Variants in ULK2 observed in about 807,000 individuals in gnomAD.
ULK2 encodes the protein serine/threonine-protein kinase ULK2.
ULK2 carries 76 observed loss-of-function variants against 127.5 expected under a neutral mutation model. That is an observed-to-expected ratio of 0.60 (90% CI 0.50 to 0.72). The LOEUF (loss-of-function observed/expected upper bound fraction) is 0.72. Among genes scored for constraint, ULK2 ranks in the 30% least tolerant of loss-of-function variants. The pLI is 0.00. For synonymous variants in ULK2, 452 were observed against 461.9 expected (o/e 0.98, Z 0.28); for missense variants, 1,144 against 1,295.9 (o/e 0.88, Z 1.80).
At chr17:19,833,074 GATCATGCCATTGCA>G (rs2041499920) in intron 10 of ULK2, among the ~76,000 whole-genome samples, 1 of 143,176 alleles carries the variant, frequency 7.0e-6, no homozygotes, top group Non-Finnish European at 1.5e-5. Context: ...AGTGAGCTGA[GATCATGCCATTGCA>G]CTCCAGCCTG....
At chr17:19,801,712 G>C in intron 16 of ULK2, 65 bp downstream of exon 16, 1 of 1,596,702 alleles carries the variant, frequency 6.3e-7, no homozygotes, top group Non-Finnish European at 8.5e-7. Context: ...TAAAGAAAAT[G>C]TGTCATGTCA....
At chr17:19,780,732 G>T in intron 24 of ULK2, 103 bp from the exon 25 acceptor site, 1 of 1,264,242 alleles carries the variant, frequency 7.9e-7, no homozygotes, top group Non-Finnish European at 1.1e-6. Flanking sequence ...GTGTCACTAT[G>T]TGATCATTCA....
intron 10 of ULK2, among the ~76,000 whole-genome samples, chr17:19,827,854 G>A (rs959644314): frequency 1.3e-5 from 2 of 151,734 alleles, no homozygotes; most frequent in Non-Finnish European, 2.9e-5. Context: ...AGGTTGCGGT[G>A]AGCCGAGAAC....
At chr17:19,845,048 C>G (rs888276224) in intron 7 of ULK2, among the ~76,000 whole-genome samples, 2 of 152,100 alleles carry the variant, frequency 1.3e-5, no homozygotes, top group African/African-American at 4.8e-5. Context: ...TTATTTTCAA[C>G]TTAATAGATT....
At chr17:19,849,326 G>A in intron 5 of ULK2, 43 bp downstream of exon 5, 1 of 1,578,684 alleles carries the variant, frequency 6.3e-7, no homozygotes, top group Non-Finnish European at 8.7e-7. Flanking sequence ...TAAACAGGCT[G>A]CAGCACTGTC....
At chr17:19,779,896 G>C (rs750133033) in intron 25 of ULK2, among the ~76,000 whole-genome samples, 2 of 152,090 alleles carry the variant, frequency 1.3e-5, no homozygotes, top group African/African-American at 4.8e-5. Context: ...TAGATCGGCT[G>C]GGCACGGTGG....
At chr17:19,783,651 A>G (rs764297620) in intron 22 of ULK2, 46 bp downstream of exon 22, 1 of 1,372,798 alleles carries the variant, frequency 7.3e-7, no homozygotes, top group South Asian at 2.1e-5. Flanking sequence ...GAATGTTCTC[A>G]TATCAAATCA....
At chr17:19,853,823 G>T (rs1314681014) in intron 3 of ULK2, among the ~76,000 whole-genome samples, 1 of 151,518 alleles carries the variant, frequency 6.6e-6, no homozygotes. Context: ...CCCCCGCCTC[G>T]GCCTCCCAAA....
intron 13 of ULK2, among the ~76,000 whole-genome samples, chr17:19,812,573 G>A (rs1376131224): frequency 1.3e-5 from 2 of 152,226 alleles, no homozygotes; most frequent in African/African-American, 4.8e-5. Context: ...TCCAGCATCA[G>A]CTGTTTACTC....
chr17:19,804,581 A>C, intron 15 of ULK2, 112 bp downstream of exon 15: 1 of 1,179,750 alleles, frequency 8.5e-7, no homozygotes, highest in Non-Finnish European at 1.1e-6. Flanking sequence ...CGTTCCCATT[A>C]TACACACATG....
At position 19,799,554 on chromosome 17, in the gene ULK2, A is replaced by C. The variant is rs574989313; in HGVS notation, c.1463T>G (p.Phe488Cys). 6.4e-7 allele frequency: 1 copy of C among 1,571,452 alleles called. No homozygotes were observed. Among genetic ancestry groups the C allele is most frequent in the African/African-American group, 1.4e-5 (1 of 72,360 alleles). ...AGGATGCCCACAGCAGCACTGACTG[A>C]ATTGCTCAGGAATGGTACCAACTAC... is the stretch of plus-strand genomic sequence containing the variant. ...SPLVGTIPEQ[F>C]SQCCCGHPQG... The change falls in exon 17 of 27, where the codon TTC (phenylalanine) becomes TGC (cysteine). Residue 488 changes from phenylalanine (F) to cysteine (C), a missense_variant. Phe to Cys is a radical substitution (Grantham distance 205). Around this residue, in one of 2 missense-constraint regions of ULK2, gnomAD observed 913 missense variants for 970.5 expected, o/e 0.94. Coordinates refer to ENST00000395544, the MANE Select transcript of ULK2 (RefSeq NM_014683.4).
intron 10 of ULK2, among the ~76,000 whole-genome samples, chr17:19,828,622 T>C (rs1268348243): frequency 2.6e-5 from 4 of 152,080 alleles, no homozygotes; most frequent in African/African-American, 4.8e-5. Flanking sequence ...AACACATTAC[T>C]ATAAAAAACA....
intron 9 of ULK2, chr17:19,840,428 G>A (rs1158003587): frequency 2.1e-6 from 1 of 484,872 alleles, no homozygotes; most frequent in African/African-American, 2.0e-5. Flanking sequence ...TCTTCTTCTG[G>A]TATTGTGTTT....
At chr17:19,843,524 T>C (rs979351178) in intron 7 of ULK2, among the ~76,000 whole-genome samples, 1 of 151,672 alleles carries the variant, frequency 6.6e-6, no homozygotes, top group African/African-American at 2.4e-5. Context: ...TAAAGAAAAA[T>C]ACACACCATA....
rs1162510817 is a variant in ULK2 at position 19,866,243 on chromosome 17, C to T, written c.91-415G>A. ...GGAGCCGTGGCTCACACCTGTAATC[C>T]CAGCACTTTGGGAGGCTGAGGCGGG... is the stretch of plus-strand genomic sequence containing the variant. On this transcript the variant is annotated intron_variant, in intron 1 of 26. Transcript: ENST00000395544. 3.3e-5 allele frequency among the ~76,000 whole-genome samples: 5 copies of T among 152,106 alleles called. No individual in the cohort carries two copies. In the East Asian group the frequency reaches 9.7e-4, roughly 29 times the overall value.
In ULK2 at chr17:19,780,604, AT is replaced by A. The variant is rs1351841920; in HGVS notation, c.2783del (p.Tyr928LeufsTer15). 1 of 1,609,766 alleles carries A rather than the reference AT, an allele frequency of 6.2e-7. No individual in the cohort carries two copies. Among genetic ancestry groups the A allele is most frequent in the South Asian group, 1.1e-5 (1 of 89,566 alleles). ...TCTTGCACATGGTGATGCAGAATTT[AT>A]ATCGTTCGTTCAGATTCTTGACAAC... ...KQVVKNLNER[Y>X]KFCITMCKKL... On this transcript the variant is annotated frameshift_variant, in exon 25 of 27. Transcript: ENST00000395544. LOFTEE classifies it high-confidence loss of function.
chr17:19,820,223 A>G (rs1418860155), intron 12 of ULK2, among the ~76,000 whole-genome samples: 1 of 151,764 alleles, frequency 6.6e-6, no homozygotes, highest in African/African-American at 2.4e-5. Context: ...TAATTTTTGT[A>G]TTTTTAGTAG....
chr17:19,846,923 G>A lies in ULK2; in HGVS notation c.296-13C>T. On this transcript the variant is annotated splice_polypyrimidine_tract_variant and intron_variant, in intron 5 of 26. Coordinates refer to ENST00000395544, the MANE Select transcript of ULK2 (RefSeq NM_014683.4). ...AGAGTCCCTTTCGCTGGTACAAAAG[G>A]AGTCACGTAAATATTTAAGCACACA... 1 of 1,595,872 alleles carries A rather than the reference G, an allele frequency of 6.3e-7. No individual in the cohort carries two copies. The highest frequency in any genetic ancestry group is 8.5e-7 in the Non-Finnish European group (1 of 1,171,260).
At position 19,867,319 on chromosome 17, in the gene ULK2, G is replaced by T; in HGVS notation, c.90+9C>A. On this transcript the variant is annotated intron_variant, in intron 1 of 26. Transcript: ENST00000395544. ...CCCGGGGCCCGGCCTCGCCCCGGCC[G>T]GCGCTCACCTGGCGGTGCCGCCCCC... is the stretch of plus-strand genomic sequence containing the variant. The T allele has an allele frequency of 6.3e-7, 1 of 1,575,052 alleles. No homozygotes were observed. The highest frequency in any genetic ancestry group is 2.4e-5 in the East Asian group (1 of 42,076).
Sources: allele counts gnomAD v4.1 joint callset (sites outside exome capture counted in the v4.1 genomes callset), GRCh38; gene constraint gnomAD v4.1.1; regional missense constraint gnomAD v4.1.1; transcripts MANE v1.5; gene names NCBI Gene and HGNC (gene_info 2026-07-23, HGNC 2026-07-21).